MBNL2: variants seen among roughly 807,000 people sequenced by gnomAD.
MBNL2 encodes muscleblind-like protein 2.
MBNL2 carries 17 observed loss-of-function variants against 41.9 expected under a neutral mutation model. The observed-to-expected ratio is 0.41, with a 90% CI of 0.28 to 0.61. The LOEUF is 0.61. Ranked by LOEUF, MBNL2 falls within the 20% of genes least tolerant of loss-of-function variation. MBNL2 has a pLI of 0.35. For missense variants in MBNL2, 336 were observed against 505.6 expected (o/e 0.66, Z 3.22); for synonymous variants, 195 against 182.9 (o/e 1.07, Z -0.53).
At chr13:97,233,156 T>C (rs1285351317) in intron 1 of MBNL2, among the ~76,000 whole-genome samples, 2 of 110,802 alleles carry the variant, frequency 1.8e-5, no homozygotes, top group African/African-American at 6.9e-5. Context: ...TATATATATA[T>C]ATATATATAT....
chr13:97,295,567 G>C (rs2056879741), intron 2 of MBNL2, among the ~76,000 whole-genome samples: 1 of 152,084 alleles, frequency 6.6e-6, no homozygotes, highest in Non-Finnish European at 1.5e-5. Flanking sequence ...ATTATAGTTT[G>C]TTACATATCA....
intron 2 of MBNL2, among the ~76,000 whole-genome samples, chr13:97,312,038 G>A (rs757145149): frequency 6.6e-6 from 1 of 152,192 alleles, no homozygotes; most frequent in Non-Finnish European, 1.5e-5. Flanking sequence ...TTAGTGTTGA[G>A]TTCAAACATT....
At chr13:97,355,923 A>G (rs183345284) in intron 5 of MBNL2, among the ~76,000 whole-genome samples, 1 of 152,338 alleles carries the variant, frequency 6.6e-6, no homozygotes, top group Non-Finnish European at 1.5e-5. Flanking sequence ...TGGGGACACT[A>G]CATACCTTTT....
At chr13:97,192,382 C>T in the MBNL2 span, among the ~76,000 whole-genome samples, 277 of 152,302 alleles carry the variant, frequency 1.8e-3, 2 homozygotes, top group Admixed American at 6.3e-3. Context: ...CCTGGTCCAC[C>T]TGGCAGGTGT....
At chr13:97,282,565 C>A (rs2053639361) in intron 2 of MBNL2, among the ~76,000 whole-genome samples, 1 of 152,106 alleles carries the variant, frequency 6.6e-6, no homozygotes, top group Non-Finnish European at 1.5e-5. Flanking sequence ...TTGTCCAAGG[C>A]ATTGTTGGTG....
chr13:97,223,906 T>C (rs1378186932), intron 1 of MBNL2, among the ~76,000 whole-genome samples: 1 of 152,226 alleles, frequency 6.6e-6, no homozygotes, highest in Non-Finnish European at 1.5e-5. Context: ...TGTGTTCCTT[T>C]ATTCGAGCTT....
the MBNL2 span, among the ~76,000 whole-genome samples, chr13:97,214,674 A>G: frequency 0.05 from 7,666 of 152,250 alleles, 256 homozygotes; most frequent in South Asian, 0.14. Flanking sequence ...CCTGCAGCTT[A>G]GAGACCCACC....
chr13:97,338,591 C>G (rs2061093074), intron 3 of MBNL2, among the ~76,000 whole-genome samples: 1 of 152,166 alleles, frequency 6.6e-6, no homozygotes, highest in African/African-American at 2.4e-5. Context: ...AGCAGCTTTT[C>G]TCTCCCCAAT....
chr13:97,348,485 G>A (rs906415217), intron 5 of MBNL2, among the ~76,000 whole-genome samples: 1 of 152,180 alleles, frequency 6.6e-6, no homozygotes, highest in African/African-American at 2.4e-5. Context: ...CTTATCAGAA[G>A]TCTATGTTAA....
chr13:97,270,504 C>T (rs2050729860), intron 1 of MBNL2, among the ~76,000 whole-genome samples: 1 of 152,116 alleles, frequency 6.6e-6, no homozygotes, highest in Non-Finnish European at 1.5e-5. Context: ...AATTTATATA[C>T]TCAACTTGGT....
rs34830044 is a variant in MBNL2, at chr13:97,246,275, TCACACACA to T, written c.-605+23772_-605+23779del. ...TTAATAACTGTTGGCTACTGTTATT[TCACACACA>T]CACACACACACACACACACACACAC... On this transcript the variant is annotated intron_variant, in intron 1 of 8. Transcript: ENST00000679496. Among the ~76,000 whole-genome samples, 988 of 145,890 alleles carry T rather than the reference TCACACACA, an allele frequency of 6.8e-3. 15 individuals carry two copies. The highest frequency in any genetic ancestry group is 0.023 in the African/African-American group (924 of 40,104).
Position 97,304,379 on chromosome 13 carries a change from A to G in MBNL2, c.174+27970A>G, listed in dbSNP as rs77022843. Among the ~76,000 whole-genome samples, 1,454 of 152,316 alleles carry G rather than the reference A, an allele frequency of 9.5e-3. 31 individuals carry two copies. Among genetic ancestry groups the G allele is most frequent in the African/African-American group, 0.033 (1,371 of 41,562 alleles). ...TTCATATGAGTTTAATTTTATATCA[A>G]AAATATTTACTTACCTTCTTACATA... On this transcript the variant is annotated intron_variant, in intron 2 of 8. Coordinates refer to ENST00000679496, the MANE Select transcript of MBNL2 (RefSeq NM_001382683.1).
chr13:97,237,578 G>A (rs1283362603), intron 1 of MBNL2, among the ~76,000 whole-genome samples: 1 of 152,180 alleles, frequency 6.6e-6, no homozygotes, highest in African/African-American at 2.4e-5. Flanking sequence ...GGCAGTCAGG[G>A]AAGGCTTCCT....
chr13:97,344,774 A>G lies in MBNL2; in HGVS notation c.540+1558A>G, dbSNP rs184960826. The stretch of plus-strand genomic sequence containing the variant: ...TGTTCAGTATGTGACTGTACTTTAG[A>G]AAACAAATTAAATCAGTGGAATTGG... On this transcript the variant is annotated intron_variant, in intron 4 of 8. Coordinates refer to ENST00000679496, the MANE Select transcript of MBNL2 (RefSeq NM_001382683.1). 1.1e-3 allele frequency among the ~76,000 whole-genome samples: 174 copies of G among 152,330 alleles called. 1 individual carries two copies. Among genetic ancestry groups the G allele is most frequent in the African/African-American group, 3.8e-3 (159 of 41,578 alleles).
intron 1 of MBNL2, among the ~76,000 whole-genome samples, chr13:97,274,562 A>G (rs1196450500): frequency 6.6e-6 from 1 of 152,176 alleles, no homozygotes; most frequent in Non-Finnish European, 1.5e-5. Context: ...TTACCTGCCA[A>G]TTTAAAATAA....
intron 1 of MBNL2, among the ~76,000 whole-genome samples, chr13:97,262,084 ACT>A (rs1259212337): frequency 1.3e-5 from 2 of 151,750 alleles, no homozygotes; most frequent in Non-Finnish European, 2.9e-5. Context: ...CACCCTTAAA[ACT>A]CTCTTTACAA....
Position 97,268,610 on chromosome 13 carries a change from A to G in MBNL2, c.-604-7022A>G, listed in dbSNP as rs2050317113. 6.6e-6 allele frequency among the ~76,000 whole-genome samples: 1 copy of G among 152,214 alleles called. No homozygotes were observed. Among genetic ancestry groups the G allele is most frequent in the African/African-American group, 2.4e-5 (1 of 41,454 alleles). ...CCTACAGATAATACTGGAATTCCCC[A>G]TTCAGAGCATTAGTCCTTTAGCTTA... is the stretch of plus-strand genomic sequence containing the variant. On this transcript the variant is annotated intron_variant, in intron 1 of 8. Coordinates refer to ENST00000679496, the MANE Select transcript of MBNL2 (RefSeq NM_001382683.1). This position sits in a 1 kb window ranked among gnomAD's most constrained non-coding sequence, Gnocchi z 4.6.
the MBNL2 span, among the ~76,000 whole-genome samples, chr13:97,203,831 A>G: frequency 1.3e-5 from 2 of 152,122 alleles, no homozygotes; most frequent in Admixed American, 6.6e-5. Flanking sequence ...CCTGGCATAT[A>G]GTCAGTATTA....
intron 2 of MBNL2, among the ~76,000 whole-genome samples, chr13:97,306,550 A>G (rs1040863500): frequency 2.6e-5 from 4 of 152,312 alleles, no homozygotes; most frequent in African/African-American, 9.6e-5. Context: ...ATTATATTGC[A>G]ATGATTTGTA....
Sources: allele counts gnomAD v4.1 joint callset (sites outside exome capture counted in the v4.1 genomes callset), GRCh38; gene constraint gnomAD v4.1.1; non-coding constraint Gnocchi (gnomAD v3.1); transcripts MANE v1.5; gene names NCBI Gene and HGNC (gene_info 2026-07-23, HGNC 2026-07-21).